USO1: variants seen among roughly 807,000 people sequenced by gnomAD.
USO1 encodes the protein USO1 vesicle transport factor, also known as general vesicular transport factor p115.
Under a neutral mutation model 124.5 loss-of-function variants are expected in USO1, and 57 were observed. The observed-to-expected ratio is 0.46, with a 90% confidence interval of 0.37 to 0.57. The LOEUF is 0.57. USO1 is among the 20% of genes least tolerant of loss of function. The probability of loss-of-function intolerance (pLI) is 0.00; values close to 1 mark genes in which losing one functional copy is unlikely to be tolerated. For synonymous variants in USO1, 369 were observed against 362.8 expected (o/e 1.02, Z -0.19); for missense variants, 900 against 1,040.6 (o/e 0.86, Z 1.86).
intron 14 of USO1, 129 bp from the exon 15 acceptor site, chr4:75,800,222 C>A: frequency 2.6e-6 from 3 of 1,135,826 alleles, no homozygotes; most frequent in Non-Finnish European, 3.6e-6. Context: ...CAGGCATGAG[C>A]CACCACACCT....
At chr4:75,770,787 A>G (rs773516569) in intron 5 of USO1, 35 bp from the exon 6 acceptor site, 34 of 1,582,342 alleles carry the variant, frequency 2.1e-5, no homozygotes, top group Middle Eastern at 1.7e-4. Flanking sequence ...AATGTGAATT[A>G]CAGATGTTAA....
intron 1 of USO1, among the ~76,000 whole-genome samples, chr4:75,744,350 A>T (rs1181223399): frequency 1.3e-5 from 2 of 152,164 alleles, no homozygotes; most frequent in Non-Finnish European, 2.9e-5. Flanking sequence ...ATATACTGAG[A>T]TACGGAAGGA....
chr4:75,785,960 C>A (rs1439768171), intron 9 of USO1, among the ~76,000 whole-genome samples: 1 of 152,074 alleles, frequency 6.6e-6, no homozygotes, highest in South Asian at 2.1e-4. Flanking sequence ...TAATCCTGAC[C>A]TTCTCTTTAG....
At chr4:75,793,608 T>C in intron 12 of USO1, 82 bp from the exon 13 acceptor site, 2 of 1,494,186 alleles carry the variant, frequency 1.3e-6, no homozygotes, top group Admixed American at 2.1e-5. Flanking sequence ...CACTATTTTA[T>C]GTGTACAGAA....
Position 75,804,991 on chromosome 4 carries a change from C to T in USO1, c.2126-149C>T, listed in dbSNP as rs1160346406. ...AATACTATCAGTTCACTATTTTTAT[C>T]AGTATACCATTCTGCAAAGATGAAA... On this transcript the variant is annotated intron_variant, in intron 18 of 23. Transcript: ENST00000514213. The T allele has an allele frequency of 3.0e-6, 3 of 995,916 alleles. No homozygotes were observed. In the East Asian group the frequency reaches 9.2e-5, roughly 31 times the overall value. The allele number at this position is 995,916 out of a possible 1,614,324, so 61.7% of individuals were successfully genotyped here.
chr4:75,725,633 T>A (rs904229220), intron 1 of USO1, among the ~76,000 whole-genome samples: 7 of 141,972 alleles, frequency 4.9e-5, no homozygotes, highest in Admixed American at 2.1e-4. Context: ...AAAAAAAAAA[T>A]GGTTAGCCGC....
chr4:75,792,693 C>T (rs901505302), intron 12 of USO1, among the ~76,000 whole-genome samples: 99 of 151,708 alleles, frequency 6.5e-4, no homozygotes, highest in Admixed American at 2.0e-4. Flanking sequence ...GAGACCCTGT[C>T]TCCAAAAAAA....
At position 75,761,606 on chromosome 4, in the gene USO1, C is replaced by T. The variant is rs578053346; in HGVS notation, c.295+4033C>T. Among the ~76,000 whole-genome samples the T allele has an allele frequency of 2.0e-4, 31 of 152,226 alleles. No individual in the cohort carries two copies. The East Asian group carries it at 5.0e-3, about 25-fold the overall frequency. ...GTTACTGACATTTCTTACCTTAACT[C>T]GTAGAACTCACTAGTTTTTTTATTT... On this transcript the variant is annotated intron_variant, in intron 4 of 23. Coordinates refer to ENST00000514213, the MANE Select transcript of USO1 (RefSeq NM_003715.4).
chr4:75,729,965 T>C (rs1720582197), intron 1 of USO1: 1 of 402,266 alleles, frequency 2.5e-6, no homozygotes. Flanking sequence ...TTATACCATG[T>C]TACTATAAAT....
intron 23 of USO1, 57 bp from the exon 24 acceptor site, chr4:75,813,149 A>T: frequency 6.4e-7 from 1 of 1,553,176 alleles, no homozygotes; most frequent in Non-Finnish European, 8.6e-7. Flanking sequence ...ATATTGTTAA[A>T]TGTTGAATGT....
chr4:75,761,077 A>G (rs547909163), intron 4 of USO1, among the ~76,000 whole-genome samples: 2 of 152,160 alleles, frequency 1.3e-5, no homozygotes, highest in African/African-American at 4.8e-5. Context: ...AACCCAGGAG[A>G]CAGAGGTTGC....
chr4:75,774,923 G>T, intron 8 of USO1, 127 bp downstream of exon 8: 4 of 1,326,244 alleles, frequency 3.0e-6, no homozygotes, highest in Non-Finnish European at 4.0e-6. Context: ...TTTCACTATG[G>T]CATGTTGACT....
chr4:75,797,525 A>T (rs1577968852), intron 13 of USO1, among the ~76,000 whole-genome samples: 1 of 127,276 alleles, frequency 7.9e-6, no homozygotes, highest in African/African-American at 2.9e-5. Context: ...CTTTTTTCAT[A>T]TGATCTTCAG....
chr4:75,770,939 T>C lies in USO1; in HGVS notation c.499+15T>C. The C allele has an allele frequency of 6.2e-7, 1 of 1,602,034 alleles. No homozygotes were observed. The highest frequency in any genetic ancestry group is 1.8e-5 in the Admixed American group (1 of 56,294). ...CAGTCCTATGGGTAAGTGACTTATC[T>C]TTTTTATATTATTTTGATTCAAGCA... On this transcript the variant is annotated intron_variant, in intron 6 of 23. Coordinates refer to ENST00000514213, the MANE Select transcript of USO1 (RefSeq NM_003715.4).
Position 75,796,341 on chromosome 4 carries a change from C to CTTGTTTTTTTTTTTTTTTTT in USO1, c.1452+2442_1452+2443insGTTTTTTTTTTTTTTTTTTT. On this transcript the variant is annotated intron_variant, in intron 13 of 23. Coordinates refer to ENST00000514213, the MANE Select transcript of USO1 (RefSeq NM_003715.4). ...TAATCCCAGAAAGTTCCATCATGCT[C>CTTGTTTTTTTTTTTTTTTTT]TTTTTTTTTTTTGAGACGGAGTCTC... Among the ~76,000 whole-genome samples, 2 of 102,086 alleles carry CTTGTTTTTTTTTTTTTTTTT rather than the reference C, an allele frequency of 2.0e-5. 1 individual carries two copies. Among genetic ancestry groups the CTTGTTTTTTTTTTTTTTTTT allele is most frequent in the Non-Finnish European group, 4.2e-5 (2 of 48,032 alleles). The allele number at this position is 102,086 out of a possible 152,430, so 67.0% of individuals were successfully genotyped here. A position where few individuals can be genotyped will look rare whatever the true frequency, so the allele number is the denominator to read the frequency against.
At position 75,812,104 on chromosome 4, in the gene USO1, C is replaced by T. The variant is rs980581973; in HGVS notation, c.2584-56C>T. The stretch of plus-strand genomic sequence containing the variant: ...ATAGAAAGAAACTATTTGTTAAAAA[C>T]TCTAGGAAAGTGAGTGCTAATTTTA... On this transcript the variant is annotated intron_variant, in intron 22 of 23. Transcript: ENST00000514213. 25 of 1,545,738 alleles carry T rather than the reference C, an allele frequency of 1.6e-5. No individual in the cohort carries two copies. The Admixed American group carries it at 1.7e-4, about 10-fold the overall frequency.
Position 75,759,246 on chromosome 4 carries a change from C to CTTTTTTTTTTTTTTTTTTTTTTTTTT in USO1, c.295+1691_295+1692insTTTTTTTTTTTTTTTTTTTTTTTTTT, listed in dbSNP as rs71208100. On this transcript the variant is annotated intron_variant, in intron 4 of 23. Transcript: ENST00000514213. ...TAATAGAATCACTTTTATTAAGGAC[C>CTTTTTTTTTTTTTTTTTTTTTTTTTT]TTTTTTTTTTTTTTTTTTCTGAAAA... Among the ~76,000 whole-genome samples the CTTTTTTTTTTTTTTTTTTTTTTTTTT allele has an allele frequency of 1.2e-4, 8 of 69,126 alleles. 2 individuals are homozygous for CTTTTTTTTTTTTTTTTTTTTTTTTTT. The highest frequency in any genetic ancestry group is 3.9e-4 in the African/African-American group (6 of 15,530). The allele number at this position is 69,126 out of a possible 152,430, so 45.3% of individuals were successfully genotyped here. A position where few individuals can be genotyped will look rare whatever the true frequency, so the allele number is the denominator to read the frequency against.
intron 12 of USO1, 88 bp from the exon 13 acceptor site, chr4:75,793,600 CTA>C (rs2149183718): frequency 1.1e-5 from 16 of 1,460,564 alleles, no homozygotes; most frequent in Admixed American, 2.2e-5. Context: ...GTATTTCACA[CTA>C]TTTTATGTGT....
intron 8 of USO1, among the ~76,000 whole-genome samples, chr4:75,778,845 A>G (rs1173171160): frequency 2.0e-5 from 3 of 152,218 alleles, no homozygotes; most frequent in Admixed American, 1.3e-4. Flanking sequence ...AATGCAATAT[A>G]TTAATGATGG....
Sources: allele counts gnomAD v4.1 joint callset (sites outside exome capture counted in the v4.1 genomes callset), GRCh38; gene constraint gnomAD v4.1.1; transcripts MANE v1.5; gene names NCBI Gene and HGNC (gene_info 2026-07-23, HGNC 2026-07-21).